The following TRAF3IP1 variants were observed in gnomAD, a reference collection of about 807,000 sequenced individuals.
The protein encoded by TRAF3IP1 is intraflagellar transport 54, also known as TRAF3-interacting protein 1.
TRAF3IP1 carries 53 observed loss-of-function variants against 89.9 expected under a neutral mutation model. The ratio of observed to expected loss-of-function variants is 0.59; its 90% CI spans 0.47 to 0.74. The LOEUF is 0.74. TRAF3IP1 is among the 30% of genes least tolerant of loss of function. TRAF3IP1 has a pLI of 0.00. For missense variants in TRAF3IP1, 806 were observed against 866.1 expected, an observed-to-expected ratio of 0.93 and a Z score of 0.87; for synonymous variants, 311 against 322.1, an observed-to-expected ratio of 0.97 and a Z score of 0.37.
intron 15 of TRAF3IP1, among the ~76,000 whole-genome samples, chr2:238,361,507 G>C (rs4663882): frequency 6.6e-6 from 1 of 151,718 alleles, no homozygotes. Flanking sequence ...TCTTTTTCAC[G>C]TCTAGGTCTC....
chr2:238,334,931 C>T (rs184612200), intron 7 of TRAF3IP1, among the ~76,000 whole-genome samples: 1 of 152,270 alleles, frequency 6.6e-6, no homozygotes, highest in Non-Finnish European at 1.5e-5. Context: ...TTAAGGCATG[C>T]TGATTTTGAT....
At chr2:238,346,192 T>C (rs913043086) in intron 9 of TRAF3IP1, among the ~76,000 whole-genome samples, 2 of 152,122 alleles carry the variant, frequency 1.3e-5, no homozygotes, top group Non-Finnish European at 2.9e-5. Flanking sequence ...GAGGAAAAGA[T>C]CTTCTGCCAC....
At chr2:238,374,436 T>G (rs1041770991) in intron 15 of TRAF3IP1, among the ~76,000 whole-genome samples, 1 of 152,204 alleles carries the variant, frequency 6.6e-6, no homozygotes, top group South Asian at 2.1e-4. Context: ...GTTTATTGAT[T>G]TGTGTGTGTT....
chr2:238,352,783 T>C (rs761550378), intron 12 of TRAF3IP1, 44 bp from the exon 13 acceptor site: 19 of 1,572,800 alleles, frequency 1.2e-5, no homozygotes, highest in African/African-American at 6.8e-5. Context: ...TTGGGACTGA[T>C]GAAAATGTGT....
At chr2:238,383,013 C>T (rs1022505611) in intron 15 of TRAF3IP1, among the ~76,000 whole-genome samples, 7 of 152,082 alleles carry the variant, frequency 4.6e-5, no homozygotes, top group South Asian at 4.2e-4. Context: ...TCACCACTCT[C>T]GGGCTCCAGC....
At chr2:238,336,946 C>G (rs1011711693) in intron 7 of TRAF3IP1, among the ~76,000 whole-genome samples, 26 of 151,986 alleles carry the variant, frequency 1.7e-4, no homozygotes, top group Admixed American at 1.6e-3. Context: ...GGTCATTGAA[C>G]ATGTGGAAGT....
At chr2:238,386,381 T>C (rs1198417554) in intron 15 of TRAF3IP1, among the ~76,000 whole-genome samples, 1 of 152,166 alleles carries the variant, frequency 6.6e-6, no homozygotes, top group Non-Finnish European at 1.5e-5. Flanking sequence ...GGTGTGATTT[T>C]GGCTCACTGC....
intron 8 of TRAF3IP1, among the ~76,000 whole-genome samples, chr2:238,342,277 C>T (rs753886022): frequency 6.6e-6 from 1 of 152,186 alleles, no homozygotes; most frequent in Non-Finnish European, 1.5e-5. Flanking sequence ...GTGTGAGCCA[C>T]CGCTCCTGGC....
chr2:238,368,701 A>C lies in TRAF3IP1; in HGVS notation c.1689+12621A>C, dbSNP rs1699984993. 1.3e-5 allele frequency among the ~76,000 whole-genome samples: 2 copies of C among 152,006 alleles called. 1 individual carries two copies. Among genetic ancestry groups the C allele is most frequent in the Admixed American group, 1.3e-4 (2 of 15,252 alleles). ...TAATTTTTTTTTGAGACGGAGTTTC[A>C]CTCTTGTTGCCCAGGCTGGAGTGCA... On this transcript the variant is annotated intron_variant, in intron 15 of 16. Coordinates refer to ENST00000373327, the MANE Select transcript of TRAF3IP1 (RefSeq NM_015650.4).
chr2:238,348,671 A>G, intron 10 of TRAF3IP1, 93 bp from the exon 11 acceptor site: 1 of 1,110,244 alleles, frequency 9.0e-7, no homozygotes. Flanking sequence ...TTTGATTGCA[A>G]ATAACTGCAA....
intron 3 of TRAF3IP1, among the ~76,000 whole-genome samples, chr2:238,328,359 G>A (rs1697942732): frequency 6.6e-6 from 1 of 152,096 alleles, no homozygotes; most frequent in South Asian, 2.1e-4. Context: ...AGAAGTTTAA[G>A]GTATTTGTAG....
In TRAF3IP1 at chr2:238,344,413, G is replaced by A. The variant is rs1698795981; in HGVS notation, c.1160-84G>A. 4.8e-6 allele frequency: 5 copies of A among 1,036,340 alleles called. No homozygotes were observed. The South Asian group carries it at 7.0e-5, about 15-fold the overall frequency. 64.2% of individuals were successfully genotyped at this position (1,036,340 alleles called of 1,614,324 possible). On this transcript the variant is annotated intron_variant, in intron 8 of 16. Coordinates refer to ENST00000373327, the MANE Select transcript of TRAF3IP1 (RefSeq NM_015650.4). ...AGTGTGGGAAAACATAGATAAGTAA[G>A]TGTGCTCTATGTTAATGAAGCCGCT...
At chr2:238,325,751 G>T (rs1697793936) in intron 2 of TRAF3IP1, 58 bp from the exon 3 acceptor site, 2 of 1,511,258 alleles carry the variant, frequency 1.3e-6, no homozygotes, top group Non-Finnish European at 1.8e-6. Context: ...ACATACAGAA[G>T]ATAATGCACA....
rs1699170723 is a variant in TRAF3IP1 at position 238,351,837 on chromosome 2, GTGTGTGTGTGTGT to G, written c.1452-989_1452-977del. On this transcript the variant is annotated intron_variant, in intron 12 of 16. Coordinates refer to ENST00000373327, the MANE Select transcript of TRAF3IP1 (RefSeq NM_015650.4). This position sits in a 1 kb window ranked among gnomAD's most constrained non-coding sequence, Gnocchi z 5.2. Reference sequence around the variant, plus strand: ...CACTGAAGCAAGGGAGGATTTTGGTGTGTGTGTGTGTGTGTGTGTGTGTGTGTGTGCGCGCGCG... The same window carrying G: ...CACTGAAGCAAGGGAGGATTTTGGTGGTGTGTGTGTGTGTGTGCGCGCGCG... Among the ~76,000 whole-genome samples, 2 of 56,280 alleles carry G rather than the reference GTGTGTGTGTGTGT, an allele frequency of 3.6e-5. No homozygotes were observed. The highest frequency in any genetic ancestry group is 3.4e-4 in the East Asian group (1 of 2,924). The allele number at this position is 56,280 out of a possible 152,430, so 36.9% of individuals were successfully genotyped here.
At chr2:238,355,232 A>T (rs868450935) in intron 14 of TRAF3IP1, among the ~76,000 whole-genome samples, 6 of 149,028 alleles carry the variant, frequency 4.0e-5, no homozygotes, top group African/African-American at 1.5e-4. Flanking sequence ...TCTACCCTCT[A>T]CTCTCCCTGT....
In TRAF3IP1 at chr2:238,343,665, TTC is replaced by T. The variant is rs1491068452; in HGVS notation, c.1160-831_1160-830del. Among the ~76,000 whole-genome samples the T allele has an allele frequency of 3.6e-3, 539 of 147,982 alleles. 4 individuals are homozygous for T. Among genetic ancestry groups the T allele is most frequent in the African/African-American group, 0.013 (512 of 39,654 alleles). ...CTTGGCCTTTTTTTTTTTTTTTTTTTTCCCCGAGATAGGGTCTTACTCTTTGC... is the reference window on the plus strand; with the variant it reads ...CTTGGCCTTTTTTTTTTTTTTTTTTTCCCGAGATAGGGTCTTACTCTTTGC... On this transcript the variant is annotated intron_variant, in intron 8 of 16. Transcript: ENST00000373327.
chr2:238,356,502 G>GA (rs895876786), intron 15 of TRAF3IP1, among the ~76,000 whole-genome samples: 9 of 150,582 alleles, frequency 6.0e-5, no homozygotes, highest in Non-Finnish European at 8.9e-5. Context: ...GCCTCAGAAA[G>GA]AAAAAAAAAG....
chr2:238,328,584 G>GA, intron 3 of TRAF3IP1, 102 bp from the exon 4 acceptor site: 1 of 1,330,252 alleles, frequency 7.5e-7, no homozygotes, highest in Non-Finnish European at 1.0e-6. Flanking sequence ...TGTAGACAGA[G>GA]AATCTGTCTC....
chr2:238,369,834 A>G (rs576707484), intron 15 of TRAF3IP1, among the ~76,000 whole-genome samples: 15 of 152,264 alleles, frequency 9.9e-5, no homozygotes, highest in African/African-American at 3.6e-4. Flanking sequence ...ATTTGTTTGT[A>G]TCATTATGGG....
Sources: gnomAD v4.1 joint callset for allele counts (sites outside exome capture counted in the v4.1 genomes callset) on GRCh38, gnomAD v4.1.1 for gene constraint, Gnocchi (gnomAD v3.1) non-coding constraint, MANE v1.5 for transcripts, NCBI Gene and HGNC (gene_info 2026-07-23, HGNC 2026-07-21) for gene names.